ZNF140: variants seen among roughly 807,000 people sequenced by gnomAD.
The protein encoded by ZNF140 is zinc finger protein 140 (clone pHZ-39).
A neutral mutation model predicts 12.9 loss-of-function variants in ZNF140; 13 were observed. The ratio of observed to expected loss-of-function variants is 1.01; its 90% confidence interval spans 0.66 to 1.60. The LOEUF (loss-of-function observed/expected upper bound fraction) is 1.60, where lower values mean the gene tolerates loss of function less well. Among genes scored for constraint, ZNF140 ranks in the 40% most tolerant of loss-of-function variants. The pLI is 0.00. For synonymous variants in ZNF140, 214 were observed against 186.7 expected (o/e 1.15, Z -1.19); for missense variants, 531 against 548.8 (o/e 0.97, Z 0.32).
chr12:133,081,358 TA>T, intron 2 of ZNF140, 29 bp downstream of exon 2: 1 of 265,846 alleles, frequency 3.8e-6, no homozygotes, highest in Non-Finnish European at 6.3e-6. Flanking sequence ...AATATATATA[TA>T]TATATATATA....
At chr12:133,105,469 C>T in intron 4 of ZNF140, 41 bp from the exon 5 acceptor site, 1 of 1,518,248 alleles carries the variant, frequency 6.6e-7, no homozygotes, top group Non-Finnish European at 8.8e-7. Flanking sequence ...TTATTCAATA[C>T]AGGAAAAAGA....
intron 4 of ZNF140, among the ~76,000 whole-genome samples, chr12:133,091,428 A>G (rs1361606502): frequency 6.6e-6 from 1 of 151,416 alleles, no homozygotes; most frequent in East Asian, 1.9e-4. Context: ...CTACAAATTA[A>G]CAACATCTCA....
rs1270477502 is a variant in ZNF140 at position 133,105,795 on chromosome 12, G to A, written c.518G>A (p.Arg173His). ...GAATGTGGAAAAACTTTTGGTCGAC[G>A]CTTTTCCCTGGTGTTACACCAGAGG... ...CHECGKTFGR[R>H]FSLVLHQRTH... is the part of the protein sequence containing the mutation. The change falls in exon 5 of 5, where the codon CGC (arginine) becomes CAC (histidine). Residue 173 changes from arginine (R) to histidine (H), a missense_variant. Arg to His is a conservative substitution (Grantham distance 29). Transcript: ENST00000355557. 11 of 1,614,018 alleles carry A rather than the reference G, an allele frequency of 6.8e-6. No individual in the cohort carries two copies. Among genetic ancestry groups the A allele is most frequent in the Admixed American group, 1.7e-5 (1 of 60,002 alleles).
chr12:133,084,311 GATTA>G (rs1954602766), intron 4 of ZNF140: 3 of 309,050 alleles, frequency 9.7e-6, no homozygotes, highest in South Asian at 5.4e-5. Flanking sequence ...ATTACTCTTT[GATTA>G]ATTGATATTT....
Position 133,106,324 on chromosome 12 carries a change from A to T in ZNF140, c.1047A>T (p.Arg349Ser). The change falls in exon 5 of 5, where the codon AGA becomes AGT. Residue 349 changes from arginine (R) to serine (S), a missense_variant. Transcript: ENST00000355557. ...ACTCATTCCTTATTAAACATCAGAG[A>T]ATTCATGCTGGAGAAAAGCTCTATG... is the stretch of plus-strand genomic sequence containing the variant. ...RCHSFLIKHQ[R>S]IHAGEKLYEC... The T allele has an allele frequency of 6.2e-7, 1 of 1,614,198 alleles. No individual in the cohort carries two copies. The highest frequency in any genetic ancestry group is 8.5e-7 in the Non-Finnish European group (1 of 1,180,026).
chr12:133,105,499 G>GT lies in ZNF140; in HGVS notation c.233-10dup. Reference sequence around the variant, plus strand: ...AAAAGAAACATTCACTTTTTTTTTGGTATCTTTCAGTTTCAGAGTCAAGTG... The same window carrying GT: ...AAAAGAAACATTCACTTTTTTTTTGGTTATCTTTCAGTTTCAGAGTCAAGTG... On this transcript the variant is annotated splice_polypyrimidine_tract_variant and intron_variant, in intron 4 of 4. Transcript: ENST00000355557. 3 of 1,557,806 alleles carry GT rather than the reference G, an allele frequency of 1.9e-6. No individual in the cohort carries two copies. The highest frequency in any genetic ancestry group is 2.6e-6 in the Non-Finnish European group (3 of 1,156,620).
chr12:133,083,559 C>T lies in ZNF140; in HGVS notation c.230C>T (p.Ser77Leu). The change falls in exon 4 of 5, where the codon TCA becomes TTA. Residue 77 changes from serine to leucine, a missense_variant and splice_region_variant. Transcript: ENST00000355557. ...GKREVKRDLF[S>L]VSESSGEIKD... is the part of the protein sequence containing the mutation. ...AGGGAAGTGAAAAGAGATCTGTTTT[C>T]AGGTGAGTGAGTTGGAAGCTGATGG... is the stretch of plus-strand genomic sequence containing the variant. 6.2e-7 allele frequency: 1 copy of T among 1,613,354 alleles called. No homozygotes were observed. Among genetic ancestry groups the T allele is most frequent in the Non-Finnish European group, 8.5e-7 (1 of 1,179,776 alleles).
At chr12:133,083,274 AG>A in intron 3 of ZNF140, 45 bp downstream of exon 3, 3 of 1,584,864 alleles carry the variant, frequency 1.9e-6, no homozygotes, top group Non-Finnish European at 2.6e-6. Context: ...TTTGACCGTT[AG>A]GGTGGCTGTT....
chr12:133,083,405 T>G, intron 3 of ZNF140, 61 bp from the exon 4 acceptor site: 1 of 1,563,988 alleles, frequency 6.4e-7, no homozygotes, highest in South Asian at 1.2e-5. Flanking sequence ...TGACATTTCC[T>G]TTGTGGCCCC....
Position 133,106,390 on chromosome 12 carries a change from C to A in ZNF140, c.1113C>A (p.Ser371=). The A allele has an allele frequency of 6.2e-7, 1 of 1,614,020 alleles. No individual in the cohort carries two copies. ...GTAAAGTTTTCACTTGGCATGCATC[C>A]CTTATTCAACATACGAAGAGTCACA... The part of the protein sequence containing the change: ...ECGKVFTWHA[S]LIQHTKSHTG... Residue 371 remains serine, a synonymous_variant, in exon 5 of 5, where the codon TCC becomes TCA. Transcript: ENST00000355557.
chr12:133,081,313 T>C lies in ZNF140; in HGVS notation c.-8T>C. The C allele has an allele frequency of 2.7e-6, 4 of 1,506,430 alleles. No homozygotes were observed. Among genetic ancestry groups the C allele is most frequent in the Non-Finnish European group, 3.6e-6 (4 of 1,108,548 alleles). 93.3% of individuals were successfully genotyped at this position (1,506,430 alleles called of 1,614,324 possible). A position where few individuals can be genotyped will look rare whatever the true frequency, so the allele number is the denominator to read the frequency against. On this transcript the variant is annotated 5_prime_UTR_variant, in exon 2 of 5. Transcript: ENST00000355557. ...CTTTTCTGATCTCCTCCTTCCCTTC[T>C]GTGAGCTATGTCTCAGGTAAGCTAA...
intron 4 of ZNF140, among the ~76,000 whole-genome samples, chr12:133,103,366 C>T (rs1190859285): frequency 6.6e-6 from 1 of 152,068 alleles, no homozygotes; most frequent in Non-Finnish European, 1.5e-5. Context: ...TCAAGCAGTC[C>T]TTCCAGGTCA....
At chr12:133,086,396 T>C (rs1187787992) in intron 4 of ZNF140, among the ~76,000 whole-genome samples, 3 of 152,382 alleles carry the variant, frequency 2.0e-5, no homozygotes, top group Middle Eastern at 3.4e-3. Context: ...GGTTTAAACT[T>C]GCATTTGTCA....
chr12:133,089,534 A>T (rs940316423), intron 4 of ZNF140, among the ~76,000 whole-genome samples: 4 of 152,076 alleles, frequency 2.6e-5, no homozygotes, highest in African/African-American at 9.7e-5. Context: ...TCTTTGCTAG[A>T]TACAGGCCTA....
At chr12:133,095,333 C>G (rs1424105828) in intron 4 of ZNF140, among the ~76,000 whole-genome samples, 2 of 150,918 alleles carry the variant, frequency 1.3e-5, no homozygotes, top group African/African-American at 2.5e-5. Flanking sequence ...CCCATTGTTA[C>G]CCTGGATTCC....
intron 4 of ZNF140, among the ~76,000 whole-genome samples, chr12:133,095,929 A>T (rs1015939934): frequency 6.6e-6 from 1 of 151,216 alleles, no homozygotes; most frequent in Non-Finnish European, 1.5e-5. Flanking sequence ...CAAATGTACA[A>T]TCGGGTTTTA....
chr12:133,096,498 TATTA>T (rs796756946), intron 4 of ZNF140, among the ~76,000 whole-genome samples: 40 of 152,364 alleles, frequency 2.6e-4, no homozygotes, highest in African/African-American at 8.7e-4. Context: ...TTTTCTAATA[TATTA>T]ATTCAATGCT....
intron 4 of ZNF140, among the ~76,000 whole-genome samples, chr12:133,090,802 A>C (rs1349534432): frequency 7.3e-6 from 1 of 136,308 alleles, no homozygotes. Flanking sequence ...ACATGTGAGC[A>C]AAAGAATCTA....
At chr12:133,099,491 A>G (rs1221475549) in intron 4 of ZNF140, among the ~76,000 whole-genome samples, 1 of 152,134 alleles carries the variant, frequency 6.6e-6, no homozygotes. Context: ...CATTGTTATT[A>G]TTTTGAACAA....
Sources: allele counts gnomAD v4.1 joint callset (sites outside exome capture counted in the v4.1 genomes callset), GRCh38; gene constraint gnomAD v4.1.1; transcripts MANE v1.5; gene names NCBI Gene and HGNC (gene_info 2026-07-23, HGNC 2026-07-21).